ADRA1B: variants seen among roughly 807,000 people sequenced by gnomAD.
The protein encoded by ADRA1B is alpha-1B adrenergic receptor.
Under a neutral mutation model 17.9 loss-of-function variants are expected in ADRA1B, and 17 were observed. The observed-to-expected ratio is 0.95, with a 90% confidence interval of 0.65 to 1.42. The LOEUF (loss-of-function observed/expected upper bound fraction) is 1.42, where lower values mean the gene tolerates loss of function less well. ADRA1B is among the 40% of genes most tolerant of loss of function. The pLI is 0.00. For missense variants in ADRA1B, 681 were observed against 722.1 expected (o/e 0.94, Z 0.65); for synonymous variants, 366 against 327.6 (o/e 1.12, Z -1.27).
rs1288366965 is a variant in ADRA1B, at chr5:159,916,608, C to A, written c.-298C>A. On this transcript the variant is annotated 5_prime_UTR_variant, in exon 1 of 2. Coordinates refer to ENST00000306675, the MANE Select transcript of ADRA1B (RefSeq NM_000679.4). ...GGCGCCCCCGGCCCTGCCGCCCCCT[C>A]CTCCCCGCCGCTCCCCCGCGAGCCC... 4.4e-6 allele frequency: 1 copy of A among 229,354 alleles called. No individual in the cohort carries two copies. The highest frequency in any genetic ancestry group is 8.4e-6 in the Non-Finnish European group (1 of 119,020). 14.2% of individuals were successfully genotyped at this position (229,354 alleles called of 1,614,324 possible).
chr5:159,988,461 G>A, the ADRA1B span, among the ~76,000 whole-genome samples: 1 of 152,208 alleles, frequency 6.6e-6, no homozygotes, highest in Non-Finnish European at 1.5e-5. Flanking sequence ...CATCTCAGCA[G>A]GTGTCAGACT....
chr5:159,900,246 C>T (rs1454754908), intron 1 of ADRA1B, among the ~76,000 whole-genome samples: 1 of 152,188 alleles, frequency 6.6e-6, no homozygotes, highest in Non-Finnish European at 1.5e-5. Context: ...ACTTTGGAAT[C>T]ATTTTATTAA....
Position 159,917,507 on chromosome 5 carries a change from C to A in ADRA1B, c.602C>A (p.Pro201His). ...AAGGAGTGCGGGGTCACCGAAGAACCCTTCTATGCCCTCTTCTCCTCTCTG... is the reference window on the plus strand; with the variant it reads ...AAGGAGTGCGGGGTCACCGAAGAACACTTCTATGCCCTCTTCTCCTCTCTG... ...DDKECGVTEE[P>H]FYALFSSLGS... The change falls in exon 1 of 2, where the codon CCC becomes CAC. Residue 201 changes from proline (P) to histidine (H), a missense_variant. Around this residue, in one of 3 missense-constraint regions of ADRA1B, gnomAD observed 424 missense variants for 480.2 expected, o/e 0.88. Transcript: ENST00000306675. 1 of 1,614,046 alleles carries A rather than the reference C, an allele frequency of 6.2e-7. No homozygotes were observed. The highest frequency in any genetic ancestry group is 8.5e-7 in the Non-Finnish European group (1 of 1,179,954).
At chr5:159,940,909 ACT>A (rs1440493556) in intron 1 of ADRA1B, among the ~76,000 whole-genome samples, 1 of 152,212 alleles carries the variant, frequency 6.6e-6, no homozygotes, top group African/African-American at 2.4e-5. Flanking sequence ...TCCAAGCATA[ACT>A]CTGCAAAAGT....
At chr5:159,970,497 T>C (rs1457714725) in intron 1 of ADRA1B, among the ~76,000 whole-genome samples, 1 of 152,216 alleles carries the variant, frequency 6.6e-6, no homozygotes, top group Non-Finnish European at 1.5e-5. Context: ...ACATCCAGGT[T>C]GTCTCCCACC....
At chr5:159,989,068 A>C in the ADRA1B span, among the ~76,000 whole-genome samples, 1 of 152,236 alleles carries the variant, frequency 6.6e-6, no homozygotes, top group Non-Finnish European at 1.5e-5. Context: ...TGTTTTCCAC[A>C]GTGGCTGCAC....
At position 159,917,420 on chromosome 5, in the gene ADRA1B, T is replaced by C; in HGVS notation, c.515T>C (p.Leu172Ser). 6.2e-7 allele frequency: 1 copy of C among 1,614,130 alleles called. No homozygotes were observed. Among genetic ancestry groups the C allele is most frequent in the Non-Finnish European group, 8.5e-7 (1 of 1,180,018 alleles). The change falls in exon 1 of 2, where the codon TTG (leucine) becomes TCG (serine). Residue 172 changes from leucine to serine, a missense_variant. By Grantham distance (145) the Leu-to-Ser change is moderately radical. This residue lies in a region of ADRA1B where 424 missense variants were observed against 480.2 expected (regional missense o/e 0.88). Coordinates refer to ENST00000306675, the MANE Select transcript of ADRA1B (RefSeq NM_000679.4). Reference protein sequence around the residue: ...AILALLSVWVLSTVISIGPLL... With the variant: ...AILALLSVWVSSTVISIGPLL... ...TTGGCGCTGCTCAGTGTCTGGGTCT[T>C]GTCCACCGTCATCTCCATCGGGCCT... is the stretch of plus-strand genomic sequence containing the variant.
At chr5:159,949,324 A>T (rs111243033) in intron 1 of ADRA1B, among the ~76,000 whole-genome samples, 5 of 152,214 alleles carry the variant, frequency 3.3e-5, no homozygotes, top group African/African-American at 1.2e-4. Flanking sequence ...TGCATGCAAC[A>T]TGGTTCCTGA....
downstream of ADRA1B, among the ~76,000 whole-genome samples, chr5:159,977,789 A>G (rs1755995055): frequency 6.6e-6 from 1 of 151,954 alleles, no homozygotes; most frequent in Non-Finnish European, 1.5e-5. Flanking sequence ...TCCCTCTCTG[A>G]TCTTCTTTCC....
chr5:159,881,814 G>A (rs867886536), intron 1 of ADRA1B, among the ~76,000 whole-genome samples: 3 of 152,128 alleles, frequency 2.0e-5, no homozygotes, highest in African/African-American at 7.2e-5. Context: ...TACTATCCTA[G>A]GATTTCCGGG....
In ADRA1B at chr5:159,917,393, T is replaced by C. The variant is rs1416406763; in HGVS notation, c.488T>C (p.Ile163Thr). The C allele has an allele frequency of 6.2e-7, 1 of 1,614,114 alleles. No homozygotes were observed. Among genetic ancestry groups the C allele is most frequent in the South Asian group, 1.1e-5 (1 of 91,074 alleles). Residue 163 changes from isoleucine to threonine, a missense_variant, in exon 1 of 2, where the codon ATC (isoleucine) becomes ACC (threonine). Ile to Thr is a moderately conservative substitution (Grantham distance 89). Around this residue, in one of 3 missense-constraint regions of ADRA1B, gnomAD observed 424 missense variants for 480.2 expected, o/e 0.88. Coordinates refer to ENST00000306675, the MANE Select transcript of ADRA1B (RefSeq NM_000679.4). ...ACGCTGGTCACCCGGAGGAAGGCCA[T>C]CTTGGCGCTGCTCAGTGTCTGGGTC... ...YPTLVTRRKA[I>T]LALLSVWVLS...
chr5:159,972,231 C>T lies in ADRA1B; in HGVS notation c.1302C>T (p.Gly434=), dbSNP rs970482559. Residue 434 remains glycine (G), a synonymous_variant, in exon 2 of 2, where the codon GGC becomes GGT. Coordinates refer to ENST00000306675, the MANE Select transcript of ADRA1B (RefSeq NM_000679.4). ...CGAGCCCGGGCTACCTGGGCCGCGG[C>T]GCGCCACCGCCAGTCGAGCTGTGCG... ...ASPSPGYLGR[G]APPPVELCAF... 413 of 1,348,960 alleles carry T rather than the reference C, an allele frequency of 3.1e-4. 1 individual carries two copies. The highest frequency in any genetic ancestry group is 3.8e-4 in the Non-Finnish European group (395 of 1,047,872). The allele number at this position is 1,348,960 out of a possible 1,614,324, so 83.6% of individuals were successfully genotyped here.
At chr5:159,891,345 A>T (rs1320692970) in intron 1 of ADRA1B, among the ~76,000 whole-genome samples, 1 of 152,184 alleles carries the variant, frequency 6.6e-6, no homozygotes, top group East Asian at 1.9e-4. Flanking sequence ...ACATGGCTTG[A>T]AAATCACTTA....
At chr5:159,974,046 A>T (rs1310863297), downstream of ADRA1B, among the ~76,000 whole-genome samples, 1 of 152,166 alleles carries the variant, frequency 6.6e-6, no homozygotes, top group Non-Finnish European at 1.5e-5. Context: ...CACATCGATC[A>T]TTCATTCTGT....
chr5:159,982,972 A>G, the ADRA1B span, among the ~76,000 whole-genome samples: 2 of 152,242 alleles, frequency 1.3e-5, no homozygotes, highest in African/African-American at 2.4e-5. Flanking sequence ...GTGCACACAC[A>G]TGCAGGACGT....
rs761366847 is a variant in ADRA1B, at chr5:159,917,277, G to T, written c.372G>T (p.Val124=). ...TCTTCTGTGACATCTGGGCAGCCGT[G>T]GATGTCCTGTGCTGCACAGCGTCCA... ...GRIFCDIWAA[V]DVLCCTASIL... is the part of the protein sequence containing the mutation. The change falls in exon 1 of 2, where the codon GTG becomes GTT. Residue 124 remains valine (V), a synonymous_variant. Coordinates refer to ENST00000306675, the MANE Select transcript of ADRA1B (RefSeq NM_000679.4). 3.7e-6 allele frequency: 6 copies of T among 1,614,118 alleles called. No individual in the cohort carries two copies. The highest frequency in any genetic ancestry group is 2.7e-5 in the African/African-American group (2 of 75,048).
In ADRA1B at chr5:159,872,332, C is replaced by G. The variant is rs1402604958; in HGVS notation, c.-256+7126C>G. 5.3e-5 allele frequency among the ~76,000 whole-genome samples: 8 copies of G among 152,222 alleles called. No individual in the cohort carries two copies. The East Asian group carries it at 1.5e-3, about 29-fold the overall frequency. ...GAAATGCCCTAACTAGCTGCTTCTT[C>G]TTGTCCCCAAAATATCATTGGCCAA... On this transcript the variant is annotated intron_variant, in intron 1 of 2. Transcript: ENST00000641205.
chr5:159,909,222 G>T (rs1218203929), intron 1 of ADRA1B, among the ~76,000 whole-genome samples: 1 of 152,118 alleles, frequency 6.6e-6, no homozygotes, highest in Non-Finnish European at 1.5e-5. Flanking sequence ...CATGCCACAT[G>T]CTATTTCCCA....
At position 159,968,611 on chromosome 5, in the gene ADRA1B, T is replaced by C. The variant is rs75709177; in HGVS notation, c.950-3268T>C. Among the ~76,000 whole-genome samples the C allele has an allele frequency of 1.7e-3, 259 of 152,214 alleles. 2 individuals are homozygous for C. The highest frequency in any genetic ancestry group is 5.2e-3 in the African/African-American group (218 of 41,552). On this transcript the variant is annotated intron_variant, in intron 1 of 1. Transcript: ENST00000306675. Reference sequence around the variant, plus strand: ...AGTGCTGGGATTACAGGATCCCACCTCGGGCCATGGCTCCAGCCTCCATCC... The same window carrying C: ...AGTGCTGGGATTACAGGATCCCACCCCGGGCCATGGCTCCAGCCTCCATCC...
Sources: allele counts gnomAD v4.1 joint callset (sites outside exome capture counted in the v4.1 genomes callset), GRCh38; gene constraint gnomAD v4.1.1; regional missense constraint gnomAD v4.1.1; transcripts MANE v1.5; gene names NCBI Gene and HGNC (gene_info 2026-07-23, HGNC 2026-07-21).